GTPBP6: variants seen among roughly 807,000 people sequenced by gnomAD.
GTPBP6 encodes the protein putative GTP-binding protein 6.
In GTPBP6, 33 loss-of-function variants were observed where a neutral mutation model predicts 28.9. That is an observed-to-expected ratio of 1.14 (90% CI 0.87 to 1.53). The LOEUF is 1.53. GTPBP6 is among the 40% of genes most tolerant of loss of function. The pLI is 0.00. For missense variants in GTPBP6, 507 were observed against 408.3 expected, an observed-to-expected ratio of 1.24 and a Z score of -2.08; for synonymous variants, 231 against 192.7, an observed-to-expected ratio of 1.20 and a Z score of -1.65.
chrX:312,805 C>G (rs779301794), exon 6 of GTPBP6: 1 of 1,612,626 alleles, frequency 6.2e-7, no homozygotes, highest in Non-Finnish European at 8.5e-7. Flanking sequence ...ACGGGGAACT[C>G]CCGCCTCGTC....
At chrX:304,881 C>T (rs1185535178) in exon 10 of GTPBP6, 18 of 1,437,122 alleles carry the variant, frequency 1.3e-5, no homozygotes, top group East Asian at 5.1e-5. Context: ...TCGGGCGGCC[C>T]GCTTTGGGGC....
At chrX:314,700 TCTCGTGAC>T (rs2070395948) in intron 4 of GTPBP6, among the ~76,000 whole-genome samples, 182 bp downstream of exon 4, 1 of 151,908 alleles carries the variant, frequency 6.6e-6, no homozygotes. Context: ...ATGGTCTCGA[TCTCGTGAC>T]CTCGTGATCC....
At chrX:306,488 C>T (rs112647006) in intron 9 of GTPBP6, among the ~76,000 whole-genome samples, 2 of 145,304 alleles carry the variant, frequency 1.4e-5, no homozygotes, top group African/African-American at 2.7e-5. Flanking sequence ...TGTCAGCACA[C>T]ATTAGGCACC....
At chrX:312,383 A>G (rs1353852723) in intron 6 of GTPBP6, 4 of 489,936 alleles carry the variant, frequency 8.2e-6, no homozygotes, top group African/African-American at 7.8e-5. Flanking sequence ...GTGATGGTGT[A>G]GATGGGTGGA....
At chrX:312,779 C>A in exon 6 of GTPBP6, 1 of 1,612,340 alleles carries the variant, frequency 6.2e-7, no homozygotes, top group Non-Finnish European at 8.5e-7. Flanking sequence ...AGTTGGTGTA[C>A]CCCACCACGG....
intron 6 of GTPBP6, 52 bp from the exon 7 acceptor site, chrX:311,679 C>A: frequency 7.0e-7 from 1 of 1,426,782 alleles, no homozygotes; most frequent in South Asian, 1.1e-5. Context: ...GTCCCAACTC[C>A]TAGCGCCGCA....
intron 7 of GTPBP6, among the ~76,000 whole-genome samples, chrX:309,073 G>A (rs2070232461): frequency 6.6e-6 from 1 of 152,150 alleles, no homozygotes; most frequent in Non-Finnish European, 1.5e-5. Context: ...GGCTCCGGGC[G>A]GGGTTCAGTC....
At chrX:315,249 T>C (rs2070408004) in exon 3 of GTPBP6, 3 of 398,412 alleles carry the variant, frequency 7.5e-6, no homozygotes, top group Non-Finnish European at 1.3e-5. Flanking sequence ...GCAGCCATCC[T>C]CTCCACGTTC....
intron 7 of GTPBP6, among the ~76,000 whole-genome samples, chrX:311,182 G>A (rs1034326917): frequency 1.1e-4 from 16 of 147,640 alleles, no homozygotes; most frequent in East Asian, 8.1e-4. Context: ...TTCCGGCCCC[G>A]AGTTGGGTGG....
At chrX:306,360 A>C (rs1289216953) in intron 9 of GTPBP6, among the ~76,000 whole-genome samples, 1 of 151,162 alleles carries the variant, frequency 6.6e-6, no homozygotes, top group African/African-American at 2.4e-5. Flanking sequence ...ATGCACAGAA[A>C]TGTACATTTT....
At chrX:307,365 C>A (rs2070192250) in exon 9 of GTPBP6, 1 of 1,611,938 alleles carries the variant, frequency 6.2e-7, no homozygotes, top group African/African-American at 1.3e-5. Flanking sequence ...CTCACCTGAG[C>A]TGCGCCCCTG....
chrX:314,481 T>C (rs2070387841), intron 4 of GTPBP6, among the ~76,000 whole-genome samples: 1 of 150,988 alleles, frequency 6.6e-6, no homozygotes, highest in African/African-American at 2.4e-5. Flanking sequence ...TTCTTCTTTT[T>C]TTTTTTTTTT....
At chrX:314,730 C>G (rs2070397100) in intron 4 of GTPBP6, among the ~76,000 whole-genome samples, 160 bp downstream of exon 4, 1 of 152,114 alleles carries the variant, frequency 6.6e-6, no homozygotes, top group African/African-American at 2.4e-5. Flanking sequence ...CCCACCTCGG[C>G]CTCCCAAAGT....
intron 1 of GTPBP6, among the ~76,000 whole-genome samples, chrX:318,236 A>C (rs2070476466): frequency 7.1e-6 from 1 of 140,492 alleles, no homozygotes; most frequent in Admixed American, 7.1e-5. Context: ...ATCTCCACCT[A>C]TGAAATCCTT....
intron 7 of GTPBP6, among the ~76,000 whole-genome samples, chrX:309,459 T>C (rs1310718232): frequency 1.5e-5 from 2 of 137,232 alleles, no homozygotes; most frequent in Admixed American, 8.3e-5. Flanking sequence ...GACCGGTATG[T>C]TTACGACAGA....
chrX:306,563 CAG>C (rs1482768395), intron 9 of GTPBP6, among the ~76,000 whole-genome samples: 1 of 149,984 alleles, frequency 6.7e-6, no homozygotes, highest in Admixed American at 6.7e-5. Flanking sequence ...TGTATGCAGT[CAG>C]AAATGTATTT....
chrX:308,840 T>A (rs2070227036), intron 7 of GTPBP6, among the ~76,000 whole-genome samples: 1 of 150,668 alleles, frequency 6.6e-6, no homozygotes, highest in South Asian at 2.1e-4. Flanking sequence ...GTTCAGCCAT[T>A]CTCCTGCCTC....
At chrX:309,106 GC>G (rs1209735750) in intron 7 of GTPBP6, among the ~76,000 whole-genome samples, 1 of 152,180 alleles carries the variant, frequency 6.6e-6, no homozygotes, top group Admixed American at 6.5e-5. Flanking sequence ...GGAGGTGGCA[GC>G]CGCGTCCGTT....
At chrX:316,710 C>T (rs1429816045) in intron 2 of GTPBP6, among the ~76,000 whole-genome samples, 1 of 152,088 alleles carries the variant, frequency 6.6e-6, no homozygotes, top group East Asian at 1.9e-4. Context: ...CTCCAGGGCC[C>T]GGTGTGAATC....
Sources: gnomAD v4.1 joint callset for allele counts (sites outside exome capture counted in the v4.1 genomes callset) on GRCh38, gnomAD v4.1.1 for gene constraint, MANE v1.5 for transcripts, NCBI Gene and HGNC (gene_info 2026-07-23, HGNC 2026-07-21) for gene names.